The following SMIM36 variants were observed in gnomAD, a reference collection of about 807,000 sequenced individuals.
The protein encoded by SMIM36 is small integral membrane protein 36.
At chr17:55,523,351 G>A in the SMIM36 span, among the ~76,000 whole-genome samples, 1 of 152,058 alleles carries the variant, frequency 6.6e-6, no homozygotes, top group Non-Finnish European at 1.5e-5. Flanking sequence ...CCAACATGGT[G>A]AAACCCTGTC....
At chr17:55,481,125 T>TCA (rs914723655) in intron 1 of SMIM36, among the ~76,000 whole-genome samples, 12 of 151,674 alleles carry the variant, frequency 7.9e-5, no homozygotes, top group South Asian at 2.1e-4. Flanking sequence ...TCTCTCTCTC[T>TCA]CACACACACA....
chr17:55,452,529 T>C (rs998268781), intron 4 of SMIM36, among the ~76,000 whole-genome samples: 3 of 152,174 alleles, frequency 2.0e-5, no homozygotes, highest in Admixed American at 6.5e-5. Flanking sequence ...AGTTCTCAGC[T>C]TCTCAAGGGG....
chr17:55,473,769 A>C (rs12936770), intron 3 of SMIM36, among the ~76,000 whole-genome samples: 76,649 of 151,886 alleles, frequency 0.5, 19,708 homozygotes, highest in South Asian at 0.57. Context: ...CTTTCTTGCT[A>C]GGCCCCAACC....
chr17:55,457,591 A>G (rs1909049917), intron 4 of SMIM36, among the ~76,000 whole-genome samples: 1 of 151,466 alleles, frequency 6.6e-6, no homozygotes, highest in Non-Finnish European at 1.5e-5. Flanking sequence ...CAATGGTGCG[A>G]TCTTGGCTCA....
intron 3 of SMIM36, among the ~76,000 whole-genome samples, chr17:55,473,069 G>T (rs940453521): frequency 2.6e-5 from 4 of 151,984 alleles, no homozygotes; most frequent in Admixed American, 1.3e-4. Flanking sequence ...AGGGCAAGTG[G>T]TTCTTAGATC....
intron 1 of SMIM36, among the ~76,000 whole-genome samples, chr17:55,492,420 T>C (rs1162296850): frequency 3.3e-5 from 5 of 151,160 alleles, no homozygotes; most frequent in Non-Finnish European, 7.4e-5. Context: ...TTTTTTATAA[T>C]ATTTTAGTAG....
chr17:55,481,114 ATC>A (rs1453917627), intron 1 of SMIM36, among the ~76,000 whole-genome samples: 12 of 144,602 alleles, frequency 8.3e-5, no homozygotes, highest in African/African-American at 2.3e-4. Flanking sequence ...CTCTCTCTTT[ATC>A]TCTCTCTCTC....
chr17:55,483,799 AT>A (rs1909560524), intron 1 of SMIM36, among the ~76,000 whole-genome samples: 1 of 151,978 alleles, frequency 6.6e-6, no homozygotes, highest in Non-Finnish European at 1.5e-5. Flanking sequence ...TAATTTTTGT[AT>A]TTTGAGTAGA....
chr17:55,499,919 A>T (rs1040024378), intron 1 of SMIM36, among the ~76,000 whole-genome samples: 2 of 116,766 alleles, frequency 1.7e-5, no homozygotes, highest in Admixed American at 8.0e-5. Context: ...GAAGGTTTAA[A>T]ATAAAAGCAA....
At chr17:55,492,661 A>G (rs1022364315) in intron 1 of SMIM36, among the ~76,000 whole-genome samples, 1 of 152,012 alleles carries the variant, frequency 6.6e-6, no homozygotes. Flanking sequence ...ACACACATCA[A>G]TTGCTAACTA....
At chr17:55,466,755 C>G (rs1274323743) in intron 4 of SMIM36, among the ~76,000 whole-genome samples, 3 of 152,134 alleles carry the variant, frequency 2.0e-5, no homozygotes, top group African/African-American at 7.2e-5. Flanking sequence ...CGGGTCTGCT[C>G]AACAGAAAAG....
chr17:55,520,817 A>T, the SMIM36 span, among the ~76,000 whole-genome samples: 1 of 152,212 alleles, frequency 6.6e-6, no homozygotes, highest in East Asian at 1.9e-4. Context: ...TAGTAGTAAT[A>T]ATAACTTTTA....
At chr17:55,519,689 G>A in the SMIM36 span, among the ~76,000 whole-genome samples, 1 of 152,198 alleles carries the variant, frequency 6.6e-6, no homozygotes, top group Non-Finnish European at 1.5e-5. Context: ...AAGTGCTCAA[G>A]TCCTTGGTAA....
chr17:55,459,539 GA>G (rs1464407388), intron 4 of SMIM36, among the ~76,000 whole-genome samples: 7 of 152,202 alleles, frequency 4.6e-5, no homozygotes, highest in Non-Finnish European at 8.8e-5. Flanking sequence ...TCTACTGTTA[GA>G]AATCCTCATA....
At chr17:55,524,453 G>T in the SMIM36 span, among the ~76,000 whole-genome samples, 1 of 152,130 alleles carries the variant, frequency 6.6e-6, no homozygotes, top group African/African-American at 2.4e-5. Flanking sequence ...GAGATTGCTG[G>T]GTTGAATGGT....
chr17:55,474,285 GC>G (rs1187603017), intron 3 of SMIM36, among the ~76,000 whole-genome samples: 5 of 152,208 alleles, frequency 3.3e-5, no homozygotes, highest in Non-Finnish European at 7.3e-5. Flanking sequence ...TGTCGAGGCA[GC>G]CCTTTAGGTG....
At chr17:55,521,592 G>A in the SMIM36 span, among the ~76,000 whole-genome samples, 1 of 152,272 alleles carries the variant, frequency 6.6e-6, no homozygotes, top group Non-Finnish European at 1.5e-5. Context: ...TTCCTATGTA[G>A]GATTTATATA....
At chr17:55,479,340 T>C (rs993686537) in intron 2 of SMIM36, 120 bp downstream of exon 2, 2 of 152,236 alleles carry the variant, frequency 1.3e-5, no homozygotes, top group African/African-American at 4.8e-5. Context: ...ATCCTAGCAC[T>C]TTGGGAGGCT....
At chr17:55,513,165 T>G (rs8079227), upstream of SMIM36, among the ~76,000 whole-genome samples, 6,193 of 152,254 alleles carry the variant, frequency 0.041, 392 homozygotes, top group African/African-American at 0.14. Context: ...GTTAGAATCT[T>G]TGGGACTAGA....
Sources: gnomAD v4.1 joint callset for allele counts (sites outside exome capture counted in the v4.1 genomes callset) on GRCh38, gnomAD v4.1.1 for gene constraint, MANE v1.5 for transcripts, NCBI Gene and HGNC (gene_info 2026-07-23, HGNC 2026-07-21) for gene names.